The following MRPS6 variants were observed in gnomAD, a reference collection of about 807,000 sequenced individuals.
The protein encoded by MRPS6 is small ribosomal subunit protein bS6m.
In MRPS6, 6 loss-of-function variants were observed where a neutral mutation model predicts 13.1. The ratio of observed to expected loss-of-function variants is 0.46; its 90% CI spans 0.25 to 0.91. MRPS6 has a LOEUF of 0.91. MRPS6 is among the 40% of genes least tolerant of loss of function. The pLI, the probability that MRPS6 is intolerant of heterozygous loss-of-function variation, is 0.18. For synonymous variants in MRPS6, 61 were observed against 56.5 expected (o/e 1.08, Z -0.36); for missense variants, 164 against 155.6 (o/e 1.05, Z -0.29).
intron 1 of MRPS6, chr21:34,101,068 G>T (rs1198201784): frequency 6.0e-6 from 6 of 999,970 alleles, no homozygotes; most frequent in Non-Finnish European, 7.2e-6. Context: ...ATGTATACAA[G>T]ACCTTTCCTG....
chr21:34,083,795 T>G (rs558099005), intron 1 of MRPS6, among the ~76,000 whole-genome samples: 3 of 152,290 alleles, frequency 2.0e-5, no homozygotes, highest in East Asian at 3.9e-4. Context: ...ATTTTGCAAA[T>G]TTTGTGTGTG....
Position 34,100,504 on chromosome 21 carries a change from A to T in MRPS6, c.46-24837A>T, listed in dbSNP as rs1408019510. The T allele has an allele frequency of 6.0e-6, 6 of 1,000,072 alleles. No individual in the cohort carries two copies. The East Asian group carries it at 6.8e-4, about 113-fold the overall frequency. The allele number at this position is 1,000,072 out of a possible 1,614,324, so 61.9% of individuals were successfully genotyped here. On this transcript the variant is annotated intron_variant, in intron 1 of 2. Coordinates refer to ENST00000399312, the MANE Select transcript of MRPS6 (RefSeq NM_032476.4). The stretch of plus-strand genomic sequence containing the variant: ...GTGTCCTTCGGCCTAAATTCAATAG[A>T]TCTCATCTCCTAGGGCTTCCTTTTC...
At chr21:34,101,130 C>T in intron 1 of MRPS6, 1 of 999,972 alleles carries the variant, frequency 1.0e-6, no homozygotes, top group Non-Finnish European at 1.2e-6. Flanking sequence ...CCTAAGAAAT[C>T]AGAAAAATGA....
chr21:34,140,825 C>T lies in MRPS6; in HGVS notation c.186-1583C>T, dbSNP rs1980882229. Among the ~76,000 whole-genome samples the T allele has an allele frequency of 3.3e-5, 5 of 152,268 alleles. No homozygotes were observed. The South Asian group carries it at 1.0e-3, about 32-fold the overall frequency. ...TTTTTATTCCTGGTAATTTTCTTTG[C>T]TCTGAAGTCTGCTTTGTCTGATATT... is the stretch of plus-strand genomic sequence containing the variant. On this transcript the variant is annotated intron_variant, in intron 2 of 2. Transcript: ENST00000399312.
chr21:34,084,391 G>A (rs1989525667), intron 1 of MRPS6, among the ~76,000 whole-genome samples: 1 of 151,690 alleles, frequency 6.6e-6, no homozygotes, highest in African/African-American at 2.4e-5. Flanking sequence ...AGTAGACTGA[G>A]AACAGAAAAA....
At chr21:34,074,190 C>T (rs1989264077) in intron 1 of MRPS6, among the ~76,000 whole-genome samples, 1 of 150,146 alleles carries the variant, frequency 6.7e-6, no homozygotes, top group Non-Finnish European at 1.5e-5. Context: ...CGTCCCGCTC[C>T]GCCGCCCGCC....
At chr21:34,116,963 T>C (rs1334839556) in intron 1 of MRPS6, among the ~76,000 whole-genome samples, 1 of 152,204 alleles carries the variant, frequency 6.6e-6, no homozygotes, top group Non-Finnish European at 1.5e-5. Flanking sequence ...CCTGGGGCTC[T>C]GCAGAACCTT....
intron 1 of MRPS6, chr21:34,102,115 A>C: frequency 1.0e-6 from 1 of 1,000,128 alleles, no homozygotes; most frequent in Non-Finnish European, 1.2e-6. Flanking sequence ...TCTTCTGTCA[A>C]GGTCACTTAA....
At chr21:34,101,746 A>AT in intron 1 of MRPS6, 1 of 992,468 alleles carries the variant, frequency 1.0e-6, no homozygotes, top group South Asian at 4.7e-5. Context: ...ATTAAATATA[A>AT]TTATGTTTTA....
At chr21:34,101,668 A>G in intron 1 of MRPS6, 1 of 1,000,166 alleles carries the variant, frequency 1.0e-6, no homozygotes, top group Non-Finnish European at 1.2e-6. Context: ...TTTAAGGCAT[A>G]TTGGCATGGT....
rs1220799416 is a variant in MRPS6 at position 34,142,684 on chromosome 21, C to T, written c.*84C>T. 7.8e-6 allele frequency: 11 copies of T among 1,417,908 alleles called. No homozygotes were observed. Among genetic ancestry groups the T allele is most frequent in the Non-Finnish European group, 9.2e-6 (10 of 1,083,958 alleles). The allele number at this position is 1,417,908 out of a possible 1,614,324, so 87.8% of individuals were successfully genotyped here. A position where few individuals can be genotyped will look rare whatever the true frequency, so the allele number is the denominator to read the frequency against. ...GAGAAGGAAGAATTTGCAAGTTTGG[C>T]CTTTATATAAGCATGTGTTGCAGGT... On this transcript the variant is annotated 3_prime_UTR_variant, in exon 3 of 3. Coordinates refer to ENST00000399312, the MANE Select transcript of MRPS6 (RefSeq NM_032476.4).
intron 1 of MRPS6, chr21:34,100,011 T>C (rs375891715): frequency 1.2e-6 from 1 of 804,136 alleles, no homozygotes. Context: ...GCTAGCAAAA[T>C]GTTCATACTT....
chr21:34,119,830 C>T (rs779306902), intron 1 of MRPS6, among the ~76,000 whole-genome samples: 8 of 152,158 alleles, frequency 5.3e-5, no homozygotes, highest in Non-Finnish European at 7.4e-5. Context: ...ATGATACTTC[C>T]ATGAATTCTT....
chr21:34,136,558 A>C (rs1331113549), intron 2 of MRPS6, among the ~76,000 whole-genome samples: 1 of 152,154 alleles, frequency 6.6e-6, no homozygotes, highest in East Asian at 1.9e-4. Context: ...TTCTCTCATG[A>C]CTAATGGCTT....
chr21:34,091,512 TTATATCACC>T (rs1308521767), intron 1 of MRPS6, among the ~76,000 whole-genome samples: 1 of 152,216 alleles, frequency 6.6e-6, no homozygotes, highest in Non-Finnish European at 1.5e-5. Flanking sequence ...GTTAACATGG[TTATATCACC>T]TGAAGGAGTG....
rs549100394 is a variant in MRPS6, at chr21:34,117,694, A to G, written c.46-7647A>G. Among the ~76,000 whole-genome samples, 125 of 152,272 alleles carry G rather than the reference A, an allele frequency of 8.2e-4. 2 individuals carry two copies. Among genetic ancestry groups the G allele is most frequent in the African/African-American group, 2.8e-3 (116 of 41,550 alleles). On this transcript the variant is annotated intron_variant, in intron 1 of 2. Coordinates refer to ENST00000399312, the MANE Select transcript of MRPS6 (RefSeq NM_032476.4). The stretch of plus-strand genomic sequence containing the variant: ...CCAAAATGGCAATTTCCTAAGTTTC[A>G]GCTTACATTTCTGATACCCGCAGAA...
intron 2 of MRPS6, among the ~76,000 whole-genome samples, chr21:34,132,241 C>T (rs17738942): frequency 0.048 from 7,258 of 152,222 alleles, 251 homozygotes; most frequent in Non-Finnish European, 0.071. Flanking sequence ...ACAGTAAGGT[C>T]TGCCTGTCTC....
chr21:34,132,379 A>G (rs1980535031), intron 2 of MRPS6, among the ~76,000 whole-genome samples: 1 of 152,230 alleles, frequency 6.6e-6, no homozygotes, highest in African/African-American at 2.4e-5. Context: ...TAGCAGCAGG[A>G]CGACAAGCAT....
At chr21:34,131,440 C>T (rs1980499449) in intron 2 of MRPS6, among the ~76,000 whole-genome samples, 1 of 152,172 alleles carries the variant, frequency 6.6e-6, no homozygotes, top group Non-Finnish European at 1.5e-5. Flanking sequence ...CTTTTCTGGT[C>T]ACCTTCCCTT....
Sources: allele counts gnomAD v4.1 joint callset (sites outside exome capture counted in the v4.1 genomes callset), GRCh38; gene constraint gnomAD v4.1.1; transcripts MANE v1.5; gene names NCBI Gene and HGNC (gene_info 2026-07-23, HGNC 2026-07-21).